Variants in TRDN observed in about 807,000 individuals in gnomAD.
The protein encoded by TRDN is triadin.
TRDN carries 161 observed loss-of-function variants against 149.7 expected under a neutral mutation model. That is an observed-to-expected ratio of 1.08 (90% confidence interval 0.95 to 1.23). The LOEUF (loss-of-function observed/expected upper bound fraction) is 1.23, where lower values mean the gene tolerates loss of function less well. Among genes scored for constraint, TRDN ranks in the 50% most tolerant of loss-of-function variants. TRDN has a pLI of 0.00. For missense variants in TRDN, 896 were observed against 823.5 expected, an observed-to-expected ratio of 1.09 and a Z score of -1.08; for synonymous variants, 294 against 250.5, an observed-to-expected ratio of 1.17 and a Z score of -1.64.
At chr6:123,382,595 C>T (rs992868093) in intron 14 of TRDN, among the ~76,000 whole-genome samples, 4 of 151,800 alleles carry the variant, frequency 2.6e-5, no homozygotes, top group Admixed American at 2.0e-4. Context: ...AATTATGTTG[C>T]ACTGTCTTTG....
At chr6:123,570,040 T>C (rs1008898291) in intron 2 of TRDN, among the ~76,000 whole-genome samples, 3 of 152,210 alleles carry the variant, frequency 2.0e-5, no homozygotes, top group African/African-American at 7.2e-5. Flanking sequence ...GATTGCTGAA[T>C]GAGTAAAATT....
chr6:123,254,362 C>T (rs1440862409), intron 37 of TRDN, among the ~76,000 whole-genome samples: 1 of 151,982 alleles, frequency 6.6e-6, no homozygotes, highest in African/African-American at 2.4e-5. Context: ...ATACACATTT[C>T]AGTGAGCAGT....
chr6:123,417,309 A>G (rs531592041), intron 12 of TRDN, among the ~76,000 whole-genome samples: 2 of 148,136 alleles, frequency 1.4e-5, no homozygotes, highest in Non-Finnish European at 3.0e-5. Flanking sequence ...ATCCTACAAT[A>G]TAAAATTTTT....
chr6:123,301,199 T>C (rs1778383713), intron 24 of TRDN, among the ~76,000 whole-genome samples: 2 of 152,070 alleles, frequency 1.3e-5, no homozygotes. Flanking sequence ...TCTCTGTTTA[T>C]ATTGAGAATA....
intron 1 of TRDN, among the ~76,000 whole-genome samples, chr6:123,608,856 G>A (rs777737724): frequency 6.0e-5 from 9 of 151,146 alleles, no homozygotes; most frequent in South Asian, 4.2e-4. Context: ...GATCATTTCT[G>A]TATTGTTTAT....
chr6:123,389,152 A>C (rs920320785), intron 13 of TRDN, among the ~76,000 whole-genome samples: 1 of 152,118 alleles, frequency 6.6e-6, no homozygotes, highest in Non-Finnish European at 1.5e-5. Flanking sequence ...TATTTATCCA[A>C]TTCTGGACCA....
chr6:123,531,262 A>G (rs1780239294), intron 4 of TRDN, among the ~76,000 whole-genome samples: 1 of 152,054 alleles, frequency 6.6e-6, no homozygotes, highest in Non-Finnish European at 1.5e-5. Context: ...GAGTTTACAA[A>G]TATGATTGCT....
chr6:123,351,750 C>A (rs1780469761), intron 21 of TRDN: 1 of 918,492 alleles, frequency 1.1e-6, no homozygotes, highest in Admixed American at 6.2e-5. Context: ...ATCATTTAGA[C>A]TTTGTTCTTG....
chr6:123,510,146 T>C (rs907975273), intron 7 of TRDN: 10 of 152,276 alleles, frequency 6.6e-5, no homozygotes, highest in Admixed American at 2.0e-4. Flanking sequence ...TACATTTATT[T>C]ATTTTAATTT....
chr6:123,314,335 G>C (rs1778944676), intron 24 of TRDN, among the ~76,000 whole-genome samples: 1 of 151,844 alleles, frequency 6.6e-6, no homozygotes, highest in Non-Finnish European at 1.5e-5. Flanking sequence ...TATTATTAAA[G>C]TCTAAAAGTA....
At chr6:123,256,885 T>A (rs753329700) in intron 35 of TRDN, among the ~76,000 whole-genome samples, 1 of 152,134 alleles carries the variant, frequency 6.6e-6, no homozygotes, top group African/African-American at 2.4e-5. Context: ...AGTCATGAAG[T>A]CTTTGTCCAT....
At chr6:123,452,811 A>G (rs1775865192) in intron 10 of TRDN, among the ~76,000 whole-genome samples, 1 of 152,194 alleles carries the variant, frequency 6.6e-6, no homozygotes, top group Non-Finnish European at 1.5e-5. Context: ...CTAAGCAAAA[A>G]GTACAAATCT....
chr6:123,348,028 T>G (rs1367668), intron 21 of TRDN, among the ~76,000 whole-genome samples: 142,527 of 152,128 alleles, frequency 0.94, 66,866 homozygotes, highest in East Asian at 0.99. Context: ...CAATGTAAAG[T>G]CTTGAAATGA....
intron 23 of TRDN, among the ~76,000 whole-genome samples, chr6:123,320,280 TTA>T (rs888719891): frequency 6.6e-6 from 1 of 151,592 alleles, no homozygotes; most frequent in African/African-American, 2.4e-5. Context: ...GGTAAGTATA[TTA>T]TATATGTTAT....
chr6:123,433,093 A>G (rs1177483249), intron 12 of TRDN, among the ~76,000 whole-genome samples: 3 of 148,544 alleles, frequency 2.0e-5, no homozygotes, highest in African/African-American at 7.4e-5. Context: ...ATGTTCCTGC[A>G]TATTCTGACT....
intron 9 of TRDN, chr6:123,470,639 A>T (rs1269539202): frequency 6.6e-6 from 1 of 152,220 alleles, no homozygotes; most frequent in Non-Finnish European, 1.5e-5. Flanking sequence ...TGCAAATCAC[A>T]TGAACACACG....
intron 12 of TRDN, among the ~76,000 whole-genome samples, chr6:123,395,664 A>C (rs754285245): frequency 1.3e-5 from 2 of 152,184 alleles, no homozygotes; most frequent in Non-Finnish European, 2.9e-5. Context: ...GATGCATTGA[A>C]GATACTGTTT....
intron 38 of TRDN, among the ~76,000 whole-genome samples, chr6:123,241,496 T>C (rs1158782023): frequency 1.3e-5 from 2 of 151,804 alleles, no homozygotes; most frequent in African/African-American, 4.8e-5. Flanking sequence ...TATTATACTC[T>C]AATATTGAAA....
intron 14 of TRDN, among the ~76,000 whole-genome samples, chr6:123,384,784 A>G (rs936601116): frequency 6.6e-6 from 1 of 152,196 alleles, no homozygotes; most frequent in African/African-American, 2.4e-5. Flanking sequence ...TGCAACAGAA[A>G]TGTAGAACTA....
Sources: gnomAD v4.1 joint callset for allele counts (sites outside exome capture counted in the v4.1 genomes callset) on GRCh38, gnomAD v4.1.1 for gene constraint, MANE v1.5 for transcripts, NCBI Gene and HGNC (gene_info 2026-07-23, HGNC 2026-07-21) for gene names.